KIF16B: variants seen among roughly 807,000 people sequenced by gnomAD.
The protein encoded by KIF16B is kinesin-like protein KIF16B.
Under a neutral mutation model 156.3 loss-of-function variants are expected in KIF16B, and 98 were observed. That is an observed-to-expected ratio of 0.63 (90% confidence interval 0.53 to 0.74). The LOEUF (loss-of-function observed/expected upper bound fraction) is 0.74, where lower values mean the gene tolerates loss of function less well. Among genes scored for constraint, KIF16B ranks in the 30% least tolerant of loss-of-function variants. KIF16B has a pLI of 0.00. For synonymous variants in KIF16B, 564 were observed against 583.7 expected (o/e 0.97, Z 0.49); for missense variants, 1,421 against 1,606.5 (o/e 0.88, Z 1.97).
intron 12 of KIF16B, among the ~76,000 whole-genome samples, chr20:16,457,075 T>C (rs1299074479): frequency 6.6e-6 from 1 of 152,078 alleles, no homozygotes; most frequent in Non-Finnish European, 1.5e-5. Flanking sequence ...ACAAAATGAG[T>C]TCTGGGTTAG....
intron 24 of KIF16B, among the ~76,000 whole-genome samples, chr20:16,314,719 T>C (rs1601551475): frequency 6.6e-6 from 1 of 152,348 alleles, no homozygotes; most frequent in Middle Eastern, 3.4e-3. Context: ...TAATAGCTGT[T>C]AGAGATCTGC....
At chr20:16,321,485 G>C (rs1025262024) in intron 24 of KIF16B, among the ~76,000 whole-genome samples, 7 of 152,016 alleles carry the variant, frequency 4.6e-5, no homozygotes, top group African/African-American at 1.7e-4. Flanking sequence ...TCGTGAAAAT[G>C]AAGAAATTGA....
intron 1 of KIF16B, among the ~76,000 whole-genome samples, chr20:16,530,725 G>A (rs992548915): frequency 6.6e-6 from 1 of 152,048 alleles, no homozygotes; most frequent in African/African-American, 2.4e-5. Context: ...TTTTGAGACA[G>A]GGTTTCGCTC....
intron 12 of KIF16B, among the ~76,000 whole-genome samples, chr20:16,433,319 T>C (rs534278461): frequency 6.6e-6 from 1 of 152,300 alleles, no homozygotes; most frequent in South Asian, 2.1e-4. Flanking sequence ...CACAGGCATG[T>C]GTATTTTCTT....
At chr20:16,494,618 GCAGCT>G (rs2068394447) in intron 11 of KIF16B, among the ~76,000 whole-genome samples, 1 of 152,126 alleles carries the variant, frequency 6.6e-6, no homozygotes, top group Admixed American at 6.5e-5. Flanking sequence ...TGTACTTAAA[GCAGCT>G]CCCTTGGATT....
chr20:16,462,187 G>A (rs2067363607), intron 12 of KIF16B, among the ~76,000 whole-genome samples: 1 of 152,022 alleles, frequency 6.6e-6, no homozygotes, highest in Non-Finnish European at 1.5e-5. Flanking sequence ...GTTGCAGTGA[G>A]CCAAGATTGT....
chr20:16,431,743 G>C (rs186361893), intron 12 of KIF16B, among the ~76,000 whole-genome samples: 1 of 151,494 alleles, frequency 6.6e-6, no homozygotes, highest in East Asian at 1.9e-4. Context: ...TATATAACAT[G>C]GCCCCTTCCT....
At chr20:16,450,042 T>C (rs570182867) in intron 12 of KIF16B, among the ~76,000 whole-genome samples, 7 of 152,322 alleles carry the variant, frequency 4.6e-5, no homozygotes, top group South Asian at 4.1e-4. Context: ...TAATATACTA[T>C]GGACAGGCTG....
At chr20:16,402,118 A>G (rs2065671294) in intron 17 of KIF16B, among the ~76,000 whole-genome samples, 2 of 151,954 alleles carry the variant, frequency 1.3e-5, no homozygotes, top group South Asian at 4.2e-4. Context: ...TCTCATTTTG[A>G]TGCCATCACA....
chr20:16,530,732 G>C (rs375173707), intron 1 of KIF16B, among the ~76,000 whole-genome samples: 1 of 151,854 alleles, frequency 6.6e-6, no homozygotes, highest in South Asian at 2.1e-4. Context: ...ACAGGGTTTC[G>C]CTCCTGCCAC....
intron 5 of KIF16B, among the ~76,000 whole-genome samples, chr20:16,512,389 G>A (rs149475464): frequency 4.6e-5 from 7 of 152,194 alleles, no homozygotes; most frequent in Middle Eastern, 3.4e-3. Context: ...GAAGAGACTG[G>A]CTCCCCTCAC....
chr20:16,484,858 G>A (rs1439547618), intron 12 of KIF16B, among the ~76,000 whole-genome samples: 1 of 152,178 alleles, frequency 6.6e-6, no homozygotes, highest in East Asian at 1.9e-4. Context: ...TACATACACA[G>A]TTGCAAACCA....
intron 23 of KIF16B, among the ~76,000 whole-genome samples, chr20:16,349,410 G>A (rs1457082793): frequency 6.6e-6 from 1 of 152,200 alleles, no homozygotes. Context: ...CTCCATGACA[G>A]GAAATCCCAA....
chr20:16,498,419 G>A (rs543975442), intron 10 of KIF16B, among the ~76,000 whole-genome samples: 5 of 152,146 alleles, frequency 3.3e-5, no homozygotes, highest in East Asian at 1.9e-4. Flanking sequence ...TATCCTACCC[G>A]CAGGCAATCA....
chr20:16,451,532 T>TAA (rs57855822), intron 12 of KIF16B, among the ~76,000 whole-genome samples: 26 of 144,004 alleles, frequency 1.8e-4, no homozygotes, highest in South Asian at 4.4e-4. Flanking sequence ...ACTACCATGT[T>TAA]AAAAAAAAAA....
At chr20:16,384,342 T>A (rs1384437878) in intron 17 of KIF16B, among the ~76,000 whole-genome samples, 1 of 152,112 alleles carries the variant, frequency 6.6e-6, no homozygotes, top group Non-Finnish European at 1.5e-5. Context: ...GACCCCAGAA[T>A]TTGGTAGTAC....
chr20:16,571,631 CT>C (rs869288784), intron 1 of KIF16B, among the ~76,000 whole-genome samples: 3,349 of 142,748 alleles, frequency 0.023, 91 homozygotes, highest in African/African-American at 0.071. Context: ...TTAACAAATA[CT>C]TTTTTTTTTT....
chr20:16,422,465 G>T (rs2066249701), intron 15 of KIF16B, among the ~76,000 whole-genome samples: 1 of 152,068 alleles, frequency 6.6e-6, no homozygotes, highest in African/African-American at 2.4e-5. Context: ...AAGTGGCCAG[G>T]GCTATGGGTG....
intron 17 of KIF16B, among the ~76,000 whole-genome samples, chr20:16,398,044 A>C (rs2065555815): frequency 6.6e-6 from 1 of 152,202 alleles, no homozygotes; most frequent in African/African-American, 2.4e-5. Context: ...CAAATGAACA[A>C]ATTTGGAAAG....
Sources: gnomAD v4.1 joint callset for allele counts (sites outside exome capture counted in the v4.1 genomes callset) on GRCh38, gnomAD v4.1.1 for gene constraint, MANE v1.5 for transcripts, NCBI Gene and HGNC (gene_info 2026-07-23, HGNC 2026-07-21) for gene names.